Variants in FAM13A observed in about 807,000 individuals in gnomAD.
FAM13A encodes the protein family with sequence similarity 13 member A, also known as protein FAM13A.
In FAM13A, 76 loss-of-function variants were observed where a neutral mutation model predicts 129.6. The observed-to-expected ratio is 0.59, with a 90% confidence interval of 0.49 to 0.71. FAM13A has a LOEUF of 0.71. FAM13A is among the 30% of genes least tolerant of loss of function. FAM13A has a pLI of 0.00. For missense variants in FAM13A, 1,108 were observed against 1,249.3 expected (o/e 0.89, Z 1.70); for synonymous variants, 443 against 449.9 (o/e 0.98, Z 0.20).
At chr4:88,772,470 G>A (rs752671624) in intron 11 of FAM13A, among the ~76,000 whole-genome samples, 4 of 152,096 alleles carry the variant, frequency 2.6e-5, no homozygotes, top group Non-Finnish European at 4.4e-5. Flanking sequence ...AGCCTCTCTC[G>A]TGATCTGGTA....
At chr4:88,913,068 A>C (rs556284500) in intron 5 of FAM13A, among the ~76,000 whole-genome samples, 2 of 150,892 alleles carry the variant, frequency 1.3e-5, no homozygotes, top group African/African-American at 4.9e-5. Context: ...AGAGAGAAGG[A>C]ACAAGAGGAG....
At chr4:89,027,261 C>G (rs1253813870) in intron 2 of FAM13A, among the ~76,000 whole-genome samples, 2 of 152,214 alleles carry the variant, frequency 1.3e-5, no homozygotes, top group East Asian at 3.9e-4. Flanking sequence ...ATAATCGAAG[C>G]TACTTAAGAG....
chr4:88,761,348 G>C (rs1044867864), intron 13 of FAM13A, among the ~76,000 whole-genome samples: 1 of 152,208 alleles, frequency 6.6e-6, no homozygotes, highest in South Asian at 2.1e-4. Context: ...AATTGCTAGA[G>C]AGGGGAATAG....
chr4:88,733,748 A>G (rs1177821709), intron 21 of FAM13A, among the ~76,000 whole-genome samples: 1 of 152,246 alleles, frequency 6.6e-6, no homozygotes, highest in Non-Finnish European at 1.5e-5. Flanking sequence ...CAGTCTAGTA[A>G]TTCAGTTTGA....
Position 88,746,952 on chromosome 4 carries a change from C to T in FAM13A, c.2446G>A (p.Glu816Lys). ...VALQKALLYY[E>K]SIHGRPVTKN... is the part of the protein sequence containing the mutation. ...CATACCGGCCGTCCATGAATGCTTT[C>T]ATAATATAACAGAGCTTTCTGCAGA... The change falls in exon 19 of 24, where the codon GAA (glutamate) becomes AAA (lysine). Residue 816 changes from glutamate (E) to lysine (K), a missense_variant. Coordinates refer to ENST00000264344, the MANE Select transcript of FAM13A (RefSeq NM_014883.4). The T allele has an allele frequency of 1.2e-6, 2 of 1,613,316 alleles. No homozygotes were observed. Among genetic ancestry groups the T allele is most frequent in the Non-Finnish European group, 1.7e-6 (2 of 1,179,292 alleles).
intron 5 of FAM13A, among the ~76,000 whole-genome samples, chr4:88,928,952 C>G (rs1395314729): frequency 2.6e-5 from 4 of 151,884 alleles, no homozygotes; most frequent in Non-Finnish European, 5.9e-5. Flanking sequence ...TTCTCTCTTC[C>G]TCCTTTCTGT....
At chr4:88,957,198 T>C (rs1309841456) in intron 4 of FAM13A, among the ~76,000 whole-genome samples, 1 of 152,118 alleles carries the variant, frequency 6.6e-6, no homozygotes, top group Non-Finnish European at 1.5e-5. Context: ...TGGAGGCACA[T>C]GCCGGCAGTC....
chr4:89,048,440 A>G (rs1771140634), intron 1 of FAM13A, among the ~76,000 whole-genome samples: 1 of 152,184 alleles, frequency 6.6e-6, no homozygotes, highest in Non-Finnish European at 1.5e-5. Flanking sequence ...GACATAAAGC[A>G]AATTAGTGGT....
At chr4:88,781,720 GT>G (rs1278846243) in intron 10 of FAM13A, among the ~76,000 whole-genome samples, 4 of 151,818 alleles carry the variant, frequency 2.6e-5, no homozygotes, top group Non-Finnish European at 5.9e-5. Flanking sequence ...AATTCATACA[GT>G]GTATGGAGAA....
chr4:88,892,425 C>T (rs964438348), intron 6 of FAM13A, among the ~76,000 whole-genome samples: 23 of 151,974 alleles, frequency 1.5e-4, no homozygotes, highest in Non-Finnish European at 3.2e-4. Flanking sequence ...GTGACCTGCC[C>T]GCCTCGGCCT....
intron 7 of FAM13A, among the ~76,000 whole-genome samples, chr4:88,806,959 C>T (rs1728675286): frequency 6.6e-6 from 1 of 152,086 alleles, no homozygotes; most frequent in Admixed American, 6.6e-5. Context: ...AGAAATTGAT[C>T]ATTATGCCAA....
intron 1 of FAM13A, among the ~76,000 whole-genome samples, chr4:89,040,927 TG>T (rs1444299150): frequency 1.3e-5 from 2 of 152,210 alleles, no homozygotes; most frequent in African/African-American, 4.8e-5. Context: ...CTGAGTCTTC[TG>T]CCCTCCACCT....
intron 1 of FAM13A, among the ~76,000 whole-genome samples, chr4:89,033,417 C>A (rs531176923): frequency 3.9e-5 from 6 of 152,038 alleles, no homozygotes; most frequent in East Asian, 3.9e-4. Context: ...TGCTCCAGTT[C>A]GCATAAGAAA....
At chr4:88,826,497 C>T (rs953067542) in intron 7 of FAM13A, among the ~76,000 whole-genome samples, 1 of 152,108 alleles carries the variant, frequency 6.6e-6, no homozygotes, top group African/African-American at 2.4e-5. Flanking sequence ...ACTAAAAATT[C>T]GTAATACTTA....
intron 9 of FAM13A, among the ~76,000 whole-genome samples, chr4:88,789,108 C>A (rs1051851863): frequency 1.1e-4 from 16 of 152,062 alleles, no homozygotes; most frequent in African/African-American, 3.9e-4. Flanking sequence ...CCATAAAATG[C>A]ATTACATCAG....
intron 19 of FAM13A, among the ~76,000 whole-genome samples, chr4:88,740,815 C>T (rs1740086791): frequency 6.6e-6 from 1 of 152,218 alleles, no homozygotes; most frequent in African/African-American, 2.4e-5. Context: ...CCTTATGTTA[C>T]TTGCACTTCT....
At chr4:88,941,126 C>T (rs1754694190) in intron 4 of FAM13A, among the ~76,000 whole-genome samples, 1 of 152,162 alleles carries the variant, frequency 6.6e-6, no homozygotes, top group African/African-American at 2.4e-5. Flanking sequence ...TTGGACTAAG[C>T]ACAACAAACC....
At chr4:88,870,328 G>T (rs1741143558) in intron 6 of FAM13A, among the ~76,000 whole-genome samples, 1 of 152,196 alleles carries the variant, frequency 6.6e-6, no homozygotes. Flanking sequence ...GCAGGGCAGG[G>T]CATCGCCTCA....
chr4:89,042,152 G>C (rs1770230780), intron 1 of FAM13A, among the ~76,000 whole-genome samples: 1 of 141,200 alleles, frequency 7.1e-6, no homozygotes, highest in South Asian at 2.3e-4. Flanking sequence ...CTTAACAGGG[G>C]AGCAATACAG....
Sources: gnomAD v4.1 joint callset for allele counts (sites outside exome capture counted in the v4.1 genomes callset) on GRCh38, gnomAD v4.1.1 for gene constraint, MANE v1.5 for transcripts, NCBI Gene and HGNC (gene_info 2026-07-23, HGNC 2026-07-21) for gene names.